The following IPCEF1 variants were observed in gnomAD, a reference collection of about 807,000 sequenced individuals.
IPCEF1 encodes the protein interactor protein for cytohesin exchange factors 1.
Under a neutral mutation model 50.9 loss-of-function variants are expected in IPCEF1, and 31 were observed. That is an observed-to-expected ratio of 0.61 (90% CI 0.46 to 0.82). IPCEF1 has a LOEUF of 0.82. Ranked by LOEUF, IPCEF1 falls within the 40% of genes least tolerant of loss-of-function variation. The pLI is 0.00. For missense variants in IPCEF1, 458 were observed against 514.0 expected, an observed-to-expected ratio of 0.89 and a Z score of 1.05; for synonymous variants, 181 against 192.0, an observed-to-expected ratio of 0.94 and a Z score of 0.47.
At chr6:154,184,863 TTA>T (rs1243852989) in intron 10 of IPCEF1, among the ~76,000 whole-genome samples, 2 of 152,184 alleles carry the variant, frequency 1.3e-5, no homozygotes, top group African/African-American at 4.8e-5. Flanking sequence ...TAATTAAAAC[TTA>T]AATACAGATA....
intron 3 of IPCEF1, among the ~76,000 whole-genome samples, chr6:154,258,685 C>T (rs1198544616): frequency 2.6e-5 from 4 of 152,124 alleles, no homozygotes; most frequent in African/African-American, 9.7e-5. Context: ...TAGTCAGATC[C>T]ATATCAGTTC....
intron 1 of IPCEF1, among the ~76,000 whole-genome samples, chr6:154,341,049 C>T (rs1041663616): frequency 6.6e-6 from 1 of 152,052 alleles, no homozygotes; most frequent in Non-Finnish European, 1.5e-5. Context: ...CAGGAAGGCT[C>T]AAAGTGGAGA....
chr6:154,160,511 TCA>T, intron 11 of IPCEF1, among the ~76,000 whole-genome samples: 1 of 152,350 alleles, frequency 6.6e-6, no homozygotes, highest in South Asian at 2.1e-4. Context: ...TTTTAATAAA[TCA>T]CATTTATTTA....
At chr6:154,235,679 T>C (rs903164382) in intron 5 of IPCEF1, among the ~76,000 whole-genome samples, 5 of 152,180 alleles carry the variant, frequency 3.3e-5, no homozygotes, top group Non-Finnish European at 7.3e-5. Flanking sequence ...TTCATGAGTT[T>C]CGTCTGTACT....
At chr6:154,260,482 T>C (rs956515027) in intron 3 of IPCEF1, among the ~76,000 whole-genome samples, 3 of 151,500 alleles carry the variant, frequency 2.0e-5, no homozygotes, top group African/African-American at 4.9e-5. Context: ...AGAACTTTTT[T>C]TTTTTTTTGA....
rs1328970650 is a variant in IPCEF1 at position 154,156,403 on chromosome 6, G to T, written c.*3425C>A. ...GCAACTTCACAAGGTAACAGGTGAA[G>T]CGAGGTGGGGGGCGGAGAGGAGGAA... On this transcript the variant is annotated 3_prime_UTR_variant, in exon 12 of 12. Coordinates refer to ENST00000367220, the MANE Select transcript of IPCEF1 (RefSeq NM_001130700.2). The T allele has an allele frequency of 1.3e-5, 2 of 152,294 alleles. No individual in the cohort carries two copies. The highest frequency in any genetic ancestry group is 4.8e-5 in the African/African-American group (2 of 41,454). 9.4% of individuals were successfully genotyped at this position (152,294 alleles called of 1,614,324 possible). A position where few individuals can be genotyped will look rare whatever the true frequency, so the allele number is the denominator to read the frequency against.
At chr6:154,278,571 C>T (rs1365495993) in intron 2 of IPCEF1, among the ~76,000 whole-genome samples, 1 of 151,624 alleles carries the variant, frequency 6.6e-6, no homozygotes, top group African/African-American at 2.4e-5. Context: ...CCTTACTCCA[C>T]TGTTTTCAAT....
intron 7 of IPCEF1, among the ~76,000 whole-genome samples, chr6:154,220,379 C>T (rs1778766502): frequency 6.6e-6 from 1 of 152,192 alleles, no homozygotes; most frequent in African/African-American, 2.4e-5. Flanking sequence ...CATTGTTGAC[C>T]AGGTGCGGTG....
intron 7 of IPCEF1, among the ~76,000 whole-genome samples, chr6:154,216,630 G>C (rs1778416649): frequency 6.6e-6 from 1 of 152,182 alleles, no homozygotes; most frequent in Admixed American, 6.5e-5. Context: ...AGCACTTTGG[G>C]AGGCCAAGGC....
At chr6:154,344,677 A>G (rs1783989555) in intron 1 of IPCEF1, among the ~76,000 whole-genome samples, 1 of 152,184 alleles carries the variant, frequency 6.6e-6, no homozygotes, top group Non-Finnish European at 1.5e-5. Context: ...GAGAGCTCTG[A>G]GCCTGCATTT....
At chr6:154,286,763 G>A (rs1782369871) in intron 2 of IPCEF1, among the ~76,000 whole-genome samples, 1 of 152,234 alleles carries the variant, frequency 6.6e-6, no homozygotes, top group Non-Finnish European at 1.5e-5. Context: ...TTGCCTTCAT[G>A]TTAGCATCAG....
chr6:154,305,571 AC>A (rs1307699385), intron 1 of IPCEF1, among the ~76,000 whole-genome samples: 4 of 151,956 alleles, frequency 2.6e-5, no homozygotes, highest in Non-Finnish European at 5.9e-5. Context: ...CACTGAAACT[AC>A]CCCCAGTGTG....
intron 1 of IPCEF1, among the ~76,000 whole-genome samples, chr6:154,299,892 A>C (rs988725426): frequency 7.1e-6 from 1 of 141,604 alleles, no homozygotes; most frequent in Non-Finnish European, 1.6e-5. Context: ...TGACTTAAAA[A>C]AAAAAACTTG....
At chr6:154,237,974 T>C (rs1302557025) in intron 5 of IPCEF1, among the ~76,000 whole-genome samples, 1 of 152,196 alleles carries the variant, frequency 6.6e-6, no homozygotes, top group Non-Finnish European at 1.5e-5. Context: ...GTTAACGATT[T>C]TAAACGATTT....
At chr6:154,252,897 G>A (rs965059275) in intron 3 of IPCEF1, among the ~76,000 whole-genome samples, 3 of 152,166 alleles carry the variant, frequency 2.0e-5, no homozygotes, top group Non-Finnish European at 4.4e-5. Context: ...AAAGGACAGA[G>A]ATTGCCACAG....
chr6:154,315,831 T>TGG (rs1317649828), intron 1 of IPCEF1, among the ~76,000 whole-genome samples: 2 of 151,806 alleles, frequency 1.3e-5, no homozygotes, highest in African/African-American at 4.9e-5. Flanking sequence ...GCAATTTTTT[T>TGG]TGGGGGGGAG....
chr6:154,232,393 C>G (rs753141408), intron 5 of IPCEF1, among the ~76,000 whole-genome samples: 1 of 152,052 alleles, frequency 6.6e-6, no homozygotes, highest in Non-Finnish European at 1.5e-5. Flanking sequence ...ATTTATTGAG[C>G]GCTAAGCATA....
chr6:154,161,910 A>T lies in IPCEF1; in HGVS notation c.1105-1870T>A, dbSNP rs114542699. Reference sequence around the variant, plus strand: ...TACTCTCCAGTCATCACATTTTCACATCCTTTTTCTGGCAGTCTCCCAAAT... The same window carrying T: ...TACTCTCCAGTCATCACATTTTCACTTCCTTTTTCTGGCAGTCTCCCAAAT... On this transcript the variant is annotated intron_variant, in intron 11 of 11. Transcript: ENST00000367220. Among the ~76,000 whole-genome samples the T allele has an allele frequency of 3.5e-3, 526 of 152,218 alleles. 5 individuals are homozygous for T. Among genetic ancestry groups the T allele is most frequent in the African/African-American group, 0.012 (497 of 41,526 alleles).
At chr6:154,332,084 A>C (rs935137240) in intron 1 of IPCEF1, among the ~76,000 whole-genome samples, 16 of 152,136 alleles carry the variant, frequency 1.1e-4, no homozygotes, top group Non-Finnish European at 8.8e-5. Context: ...TCCTCTGAGG[A>C]GGCAAGAATC....
Sources: gnomAD v4.1 joint callset for allele counts (sites outside exome capture counted in the v4.1 genomes callset) on GRCh38, gnomAD v4.1.1 for gene constraint, MANE v1.5 for transcripts, NCBI Gene and HGNC (gene_info 2026-07-23, HGNC 2026-07-21) for gene names.